Variants in ROBO2 observed in about 807,000 individuals in gnomAD.
ROBO2 encodes roundabout guidance receptor 2.
Under a neutral mutation model 160.8 loss-of-function variants are expected in ROBO2, and 53 were observed. The observed-to-expected ratio is 0.33, with a 90% CI of 0.26 to 0.41. ROBO2 has a LOEUF of 0.41. Among genes scored for constraint, ROBO2 ranks in the 10% least tolerant of loss-of-function variants. ROBO2 has a pLI of 1.00. For missense variants in ROBO2, 1,577 were observed against 1,722.4 expected, an observed-to-expected ratio of 0.92 and a Z score of 1.49; for synonymous variants, 664 against 611.7, an observed-to-expected ratio of 1.09 and a Z score of -1.26.
At chr3:76,969,609 G>A (rs1264540740) in intron 2 of ROBO2, among the ~76,000 whole-genome samples, 1 of 152,108 alleles carries the variant, frequency 6.6e-6, no homozygotes, top group Non-Finnish European at 1.5e-5. Context: ...ATCCTCGTCT[G>A]GCCACATGCT....
At chr3:77,130,466 A>G (rs566135922) in intron 2 of ROBO2, among the ~76,000 whole-genome samples, 31 of 152,336 alleles carry the variant, frequency 2.0e-4, no homozygotes, top group African/African-American at 7.5e-4. Context: ...AAAGTGAGAA[A>G]TGTGCATTAA....
intron 2 of ROBO2, among the ~76,000 whole-genome samples, chr3:77,336,464 T>G (rs1173855525): frequency 6.6e-6 from 1 of 152,130 alleles, no homozygotes; most frequent in Non-Finnish European, 1.5e-5. Flanking sequence ...CTCCTCCTTC[T>G]GCTCCTCCTC....
At chr3:76,434,725 T>C in intron 2 of ROBO2, 1 of 1,074,094 alleles carries the variant, frequency 9.3e-7, no homozygotes, top group East Asian at 2.4e-5. Flanking sequence ...CCTCCCCCAG[T>C]CTCTACCAGT....
intron 1 of ROBO2, among the ~76,000 whole-genome samples, chr3:77,044,539 C>T (rs1450407760): frequency 5.3e-5 from 8 of 151,974 alleles, no homozygotes; most frequent in Non-Finnish European, 1.0e-4. Flanking sequence ...TTCTTATTCT[C>T]CTCCTCTTTT....
chr3:76,061,244 G>A (rs1273616477), intron 2 of ROBO2, among the ~76,000 whole-genome samples: 1 of 152,208 alleles, frequency 6.6e-6, no homozygotes, highest in Admixed American at 6.5e-5. Flanking sequence ...GAATAAATTC[G>A]GGTAAAGTGC....
At chr3:76,378,816 AAG>A (rs1201250835) in intron 2 of ROBO2, among the ~76,000 whole-genome samples, 1 of 152,208 alleles carries the variant, frequency 6.6e-6, no homozygotes, top group Non-Finnish European at 1.5e-5. Context: ...ATGGAAATGC[AAG>A]AGTCATGAAA....
chr3:77,158,418 A>G (rs2078200121), intron 2 of ROBO2, among the ~76,000 whole-genome samples: 1 of 152,132 alleles, frequency 6.6e-6, no homozygotes, highest in African/African-American at 2.4e-5. Flanking sequence ...ACGGCAAACC[A>G]TATGAGGTAA....
intron 2 of ROBO2, among the ~76,000 whole-genome samples, chr3:77,333,270 G>A (rs920564006): frequency 3.9e-5 from 6 of 152,146 alleles, no homozygotes; most frequent in Non-Finnish European, 8.8e-5. Flanking sequence ...TGATGTCGCA[G>A]ACACCTTAAT....
At chr3:77,469,441 A>C (rs1355584556) in intron 2 of ROBO2, among the ~76,000 whole-genome samples, 2 of 152,128 alleles carry the variant, frequency 1.3e-5, no homozygotes, top group Non-Finnish European at 2.9e-5. Flanking sequence ...TTGGGGTTAC[A>C]CTCAGTCATT....
intron 21 of ROBO2, among the ~76,000 whole-genome samples, chr3:77,612,800 G>C (rs2094677469): frequency 1.3e-5 from 2 of 151,954 alleles, no homozygotes; most frequent in Admixed American, 1.3e-4. Context: ...CAAAAAATTA[G>C]CTGGGCATGG....
In ROBO2 at chr3:77,009,116, A is replaced by G. The variant is rs1398928533; in HGVS notation, c.110-88898A>G. ...CTTACTTAAAAAGTAAGATTAAATG[A>G]GATAATCTGTTTGAAGGATTTAGCC... On this transcript the variant is annotated intron_variant, in intron 2 of 26. Coordinates refer to the ROBO2 transcript ENST00000487694. Among the ~76,000 whole-genome samples the G allele has an allele frequency of 3.9e-5, 6 of 152,226 alleles. No homozygotes were observed. In the South Asian group the frequency reaches 1.2e-3, roughly 31 times the overall value.
chr3:76,395,595 A>G (rs2077396008), intron 2 of ROBO2, among the ~76,000 whole-genome samples: 1 of 151,940 alleles, frequency 6.6e-6, no homozygotes. Flanking sequence ...AAAGAAAAAA[A>G]GAGAGAAGAA....
intron 2 of ROBO2, among the ~76,000 whole-genome samples, chr3:76,703,976 T>G (rs141640160): frequency 6.6e-6 from 1 of 151,434 alleles, no homozygotes; most frequent in Non-Finnish European, 1.5e-5. Flanking sequence ...GTAGTTCAAA[T>G]AGTACTTCTT....
chr3:76,382,795 C>G (rs910884941), intron 2 of ROBO2, among the ~76,000 whole-genome samples: 1 of 152,090 alleles, frequency 6.6e-6, no homozygotes, highest in African/African-American at 2.4e-5. Context: ...AAGGGAAACA[C>G]TCCTAACTGT....
chr3:76,216,243 C>A (rs907280685), intron 2 of ROBO2, among the ~76,000 whole-genome samples: 1 of 152,148 alleles, frequency 6.6e-6, no homozygotes, highest in African/African-American at 2.4e-5. Flanking sequence ...TAGGAAGAAA[C>A]TGCATCAACT....
chr3:76,448,454 A>C (rs1164997575), intron 2 of ROBO2, among the ~76,000 whole-genome samples: 1 of 152,124 alleles, frequency 6.6e-6, no homozygotes, highest in Non-Finnish European at 1.5e-5. Flanking sequence ...CAAGGGCAAA[A>C]TCCCTACTTG....
intron 2 of ROBO2, among the ~76,000 whole-genome samples, chr3:76,026,067 C>A (rs1049140895): frequency 9.2e-5 from 14 of 151,974 alleles, no homozygotes; most frequent in African/African-American, 1.2e-4. Context: ...AAATTGATGA[C>A]CATGATTAAT....
chr3:76,183,877 T>C (rs1216265110), intron 2 of ROBO2, among the ~76,000 whole-genome samples: 2 of 152,182 alleles, frequency 1.3e-5, no homozygotes, highest in Non-Finnish European at 2.9e-5. Flanking sequence ...TGCGTCCAGA[T>C]TCTATGCATT....
chr3:77,636,686 G>A lies in ROBO2; in HGVS notation c.3934+1643G>A, dbSNP rs567607540. 3.0e-3 allele frequency among the ~76,000 whole-genome samples: 450 copies of A among 152,274 alleles called. 2 individuals carry two copies. The highest frequency in any genetic ancestry group is 0.01 in the African/African-American group (420 of 41,564). On this transcript the variant is annotated intron_variant, in intron 24 of 25. Coordinates refer to ENST00000461745, the Ensembl canonical transcript of ROBO2. Reference sequence around the variant, plus strand: ...ATCATTCACAAAATGGGCAGTGGCTGGATTTGGCCCATGGGCCATAGTTTG... The same window carrying A: ...ATCATTCACAAAATGGGCAGTGGCTAGATTTGGCCCATGGGCCATAGTTTG...
Sources: gnomAD v4.1 joint callset for allele counts (sites outside exome capture counted in the v4.1 genomes callset) on GRCh38, gnomAD v4.1.1 for gene constraint, MANE v1.5 for transcripts, NCBI Gene and HGNC (gene_info 2026-07-23, HGNC 2026-07-21) for gene names.